Variants in ABCA13 observed in about 807,000 individuals in gnomAD.
ABCA13 encodes ATP binding cassette subfamily A member 13, also known as ATP-binding cassette sub-family A member 13.
ABCA13 carries 476 observed loss-of-function variants against 478.7 expected under a neutral mutation model. The observed-to-expected ratio is 0.99, with a 90% CI of 0.92 to 1.07. ABCA13 has a LOEUF of 1.07. Ranked by LOEUF, ABCA13 falls within the 50% of genes least tolerant of loss-of-function variation. The pLI, the probability that ABCA13 is intolerant of heterozygous loss-of-function variation, is 0.00. For missense variants in ABCA13, 6,060 were observed against 5,910.6 expected (o/e 1.03, Z -0.83); for synonymous variants, 2,252 against 2,158.9 (o/e 1.04, Z -1.20).
intron 58 of ABCA13, among the ~76,000 whole-genome samples, chr7:48,597,818 G>A (rs1790453172): frequency 6.6e-6 from 1 of 152,094 alleles, no homozygotes. Context: ...TAGGTTCACT[G>A]AAAAATTGAG....
intron 27 of ABCA13, among the ~76,000 whole-genome samples, chr7:48,327,290 A>G (rs1804481983): frequency 6.6e-6 from 1 of 152,212 alleles, no homozygotes; most frequent in African/African-American, 2.4e-5. Flanking sequence ...GAAGTCCCTT[A>G]TAAAACCATC....
intron 29 of ABCA13, among the ~76,000 whole-genome samples, chr7:48,348,073 C>T (rs1808379814): frequency 6.6e-6 from 1 of 152,168 alleles, no homozygotes; most frequent in South Asian, 2.1e-4. Context: ...TCCCTATCTC[C>T]AGGCCAAATG....
chr7:48,318,229 ACT>A (rs755046116), intron 27 of ABCA13, among the ~76,000 whole-genome samples: 15 of 152,194 alleles, frequency 9.9e-5, no homozygotes, highest in Admixed American at 2.0e-4. Flanking sequence ...AGGTCACAGC[ACT>A]GTTTCCTGTA....
chr7:48,253,952 C>CGT (rs895333523), intron 15 of ABCA13, among the ~76,000 whole-genome samples: 1 of 149,354 alleles, frequency 6.7e-6, no homozygotes, highest in Non-Finnish European at 1.5e-5. Context: ...TGTGTGTGTT[C>CGT]GTGTGTGTGT....
intron 2 of ABCA13, among the ~76,000 whole-genome samples, chr7:48,196,339 C>T (rs560220778): frequency 6.6e-6 from 1 of 152,304 alleles, no homozygotes; most frequent in African/African-American, 2.4e-5. Flanking sequence ...TGCAGATGAG[C>T]TTTCCTACAG....
intron 27 of ABCA13, among the ~76,000 whole-genome samples, chr7:48,324,994 A>G (rs963524617): frequency 1.3e-5 from 2 of 152,232 alleles, no homozygotes. Flanking sequence ...AAATTGAGCT[A>G]AACGTTACTT....
intron 52 of ABCA13, among the ~76,000 whole-genome samples, chr7:48,518,948 G>A (rs1374627513): frequency 1.3e-5 from 2 of 152,058 alleles, no homozygotes; most frequent in African/African-American, 2.4e-5. Context: ...GCTATTTTTC[G>A]TAATGCTCTC....
chr7:48,594,626 C>T (rs1342563993), intron 57 of ABCA13, 84 bp from the exon 58 acceptor site: 2 of 1,295,632 alleles, frequency 1.5e-6, no homozygotes, highest in Admixed American at 3.4e-5. Context: ...TTTCTTTCAC[C>T]TGGGGTCTGG....
chr7:48,198,202 A>G (rs981063703), intron 2 of ABCA13, 35 bp from the exon 3 acceptor site: 1 of 1,600,440 alleles, frequency 6.2e-7, no homozygotes, highest in Admixed American at 1.7e-5. Flanking sequence ...GGTAGCAGGT[A>G]TACGGACTCA....
At chr7:48,303,929 C>T (rs904135356) in intron 23 of ABCA13, among the ~76,000 whole-genome samples, 2 of 152,116 alleles carry the variant, frequency 1.3e-5, no homozygotes, top group Non-Finnish European at 1.5e-5. Flanking sequence ...TGTTTGGGCT[C>T]TTAAATCAGT....
At chr7:48,428,272 C>T (rs1265427637) in intron 42 of ABCA13, among the ~76,000 whole-genome samples, 1 of 152,168 alleles carries the variant, frequency 6.6e-6, no homozygotes, top group Non-Finnish European at 1.5e-5. Context: ...TTAACAAAGC[C>T]CCGGATGTGG....
chr7:48,313,156 C>T lies in ABCA13; in HGVS notation c.9606C>T (p.His3202=), dbSNP rs201246085. The change falls in exon 25 of 62, where the codon CAC becomes CAT. Residue 3202 remains histidine, a synonymous_variant. Transcript: ENST00000435803. The part of the protein sequence containing the change: ...SLSALLAKAQ[H]VFEYLPEFLH... ...GCGCCTTGCTTGCCAAAGCCCAGCA[C>T]GTCTTTGAGTATCTTCCTGAGTTTC... 19 of 1,613,140 alleles carry T rather than the reference C, an allele frequency of 1.2e-5. No homozygotes were observed. The highest frequency in any genetic ancestry group is 5.0e-5 in the Admixed American group (3 of 59,920).
intron 55 of ABCA13, among the ~76,000 whole-genome samples, chr7:48,579,845 G>A (rs900960144): frequency 6.6e-6 from 1 of 152,140 alleles, no homozygotes; most frequent in African/African-American, 2.4e-5. Flanking sequence ...CCAGTTCAGA[G>A]TTTTCTGGGA....
chr7:48,281,570 T>G (rs544816739), intron 19 of ABCA13, 118 bp downstream of exon 19: 13 of 907,220 alleles, frequency 1.4e-5, no homozygotes, highest in Admixed American at 2.5e-5. Context: ...CACAGCTGTC[T>G]TAGTCTGGCA....
At chr7:48,564,265 C>A (rs1465235303) in intron 55 of ABCA13, among the ~76,000 whole-genome samples, 1 of 148,068 alleles carries the variant, frequency 6.8e-6, no homozygotes, top group Non-Finnish European at 1.5e-5. Context: ...CTCAATTTAT[C>A]CATGTCTTTT....
At chr7:48,280,649 G>A (rs986535062) in intron 18 of ABCA13, among the ~76,000 whole-genome samples, 1 of 152,134 alleles carries the variant, frequency 6.6e-6, no homozygotes, top group Non-Finnish European at 1.5e-5. Context: ...GGCCCACATG[G>A]AGATTGGAGA....
At chr7:48,237,012 GTTTTTTTTTT>G (rs35078208) in intron 8 of ABCA13, among the ~76,000 whole-genome samples, 1 of 130,918 alleles carries the variant, frequency 7.6e-6, no homozygotes, top group African/African-American at 2.9e-5. Context: ...AGAGGGTAGG[GTTTTTTTTTT>G]TTTTTTTTTT....
At chr7:48,350,920 G>A in intron 30 of ABCA13, 101 bp downstream of exon 30, 1 of 1,199,848 alleles carries the variant, frequency 8.3e-7, no homozygotes, top group Non-Finnish European at 1.1e-6. Context: ...AGCTCAGAAA[G>A]AAAAGAAGTC....
Position 48,221,312 on chromosome 7 carries a change from A to G in ABCA13, c.468+3A>G. ...CTTATGGTTCCAGTTTTTTTACAGT[A>G]AGTATCTTAACAATAGTTTGAAAAT... is the stretch of plus-strand genomic sequence containing the variant. On this transcript the variant is annotated splice_donor_region_variant and intron_variant, in intron 5 of 61. Coordinates refer to ENST00000435803, the MANE Select transcript of ABCA13 (RefSeq NM_152701.5). The G allele has an allele frequency of 1.7e-6, 2 of 1,143,516 alleles. No homozygotes were observed. The highest frequency in any genetic ancestry group is 2.5e-6 in the Non-Finnish European group (2 of 800,602). The allele number at this position is 1,143,516 out of a possible 1,614,324, so 70.8% of individuals were successfully genotyped here.
Sources: gnomAD v4.1 joint callset for allele counts (sites outside exome capture counted in the v4.1 genomes callset) on GRCh38, gnomAD v4.1.1 for gene constraint, MANE v1.5 for transcripts, NCBI Gene and HGNC (gene_info 2026-07-23, HGNC 2026-07-21) for gene names.